Variants in KDM4C observed in about 807,000 individuals in gnomAD.
KDM4C encodes lysine demethylase 4C.
A neutral mutation model predicts 129.3 loss-of-function variants in KDM4C; 81 were observed. That is an observed-to-expected ratio of 0.63 (90% CI 0.52 to 0.75). The LOEUF (loss-of-function observed/expected upper bound fraction) is 0.75, where lower values mean the gene tolerates loss of function less well. KDM4C is among the 30% of genes least tolerant of loss of function. The pLI is 0.00. For missense variants in KDM4C, 1,457 were observed against 1,304.0 expected, an observed-to-expected ratio of 1.12 and a Z score of -1.81; for synonymous variants, 573 against 456.1, an observed-to-expected ratio of 1.26 and a Z score of -3.26.
At chr9:6,936,058 T>G (rs755467795) in intron 8 of KDM4C, among the ~76,000 whole-genome samples, 3 of 152,226 alleles carry the variant, frequency 2.0e-5, no homozygotes, top group Non-Finnish European at 2.9e-5. Flanking sequence ...CAATTTTTTG[T>G]AACTTATTTG....
intron 8 of KDM4C, among the ~76,000 whole-genome samples, chr9:6,951,700 A>C (rs10975932): frequency 0.13 from 20,121 of 152,176 alleles, 3,255 homozygotes; most frequent in African/African-American, 0.39. Context: ...ACTTAACTGT[A>C]TTGAGAATTT....
chr9:6,892,178 T>C (rs1170406927), intron 7 of KDM4C, among the ~76,000 whole-genome samples: 2 of 152,188 alleles, frequency 1.3e-5, no homozygotes, highest in African/African-American at 4.8e-5. Context: ...TGAAAGAATT[T>C]AAAGATATAA....
At chr9:6,929,063 A>C (rs961783304) in intron 8 of KDM4C, among the ~76,000 whole-genome samples, 1 of 152,310 alleles carries the variant, frequency 6.6e-6, no homozygotes, top group East Asian at 1.9e-4. Context: ...TTATCCAAAC[A>C]CTACACTTCA....
chr9:6,886,283 A>G (rs929994008), intron 6 of KDM4C, among the ~76,000 whole-genome samples: 2 of 151,738 alleles, frequency 1.3e-5, no homozygotes, highest in African/African-American at 4.8e-5. Flanking sequence ...GTAAAGAATT[A>G]ACATTTCTCA....
intron 4 of KDM4C, among the ~76,000 whole-genome samples, chr9:6,822,234 G>A (rs1245911551): frequency 6.6e-6 from 1 of 152,148 alleles, no homozygotes; most frequent in African/African-American, 2.4e-5. Flanking sequence ...CCGTGGCAGA[G>A]GTGCTTTAGT....
At position 6,905,124 on chromosome 9, in the gene KDM4C, A is replaced by T. The variant is rs369391488; in HGVS notation, c.921+11892A>T. Among the ~76,000 whole-genome samples the T allele has an allele frequency of 3.2e-3, 495 of 152,358 alleles. 1 individual carries two copies. Among genetic ancestry groups the T allele is most frequent in the African/African-American group, 0.01 (434 of 41,578 alleles). ...TTAAAAGAGCAAACAGCCAAAGAGT[A>T]TATATCATCTATATTAAAAAATTAA... On this transcript the variant is annotated intron_variant, in intron 8 of 21. Transcript: ENST00000381309.
At chr9:6,898,352 C>G (rs1203994875) in intron 8 of KDM4C, among the ~76,000 whole-genome samples, 2 of 151,976 alleles carry the variant, frequency 1.3e-5, no homozygotes, top group Non-Finnish European at 2.9e-5. Flanking sequence ...CTCGTTTATA[C>G]CGTCTGAAGC....
At chr9:6,916,555 T>TGGCTGA (rs1301339679) in intron 8 of KDM4C, among the ~76,000 whole-genome samples, 4 of 152,186 alleles carry the variant, frequency 2.6e-5, no homozygotes, top group Non-Finnish European at 5.9e-5. Flanking sequence ...CCACTGTGCC[T>TGGCTGA]GGCTGATATT....
upstream of KDM4C, among the ~76,000 whole-genome samples, chr9:6,752,878 T>C (rs563703887): frequency 3.7e-4 from 56 of 152,230 alleles, no homozygotes; most frequent in Non-Finnish European, 7.1e-4. Flanking sequence ...TTTAAGTTCA[T>C]GCCTGAGGTG....
intron 5 of KDM4C, 92 bp downstream of exon 5, chr9:6,849,792 G>T: frequency 9.7e-7 from 1 of 1,032,748 alleles, no homozygotes; most frequent in Non-Finnish European, 1.4e-6. Context: ...TTGATTTGGT[G>T]GATTCAGATT....
At chr9:7,106,490 G>A (rs1404684841) in intron 18 of KDM4C, among the ~76,000 whole-genome samples, 6 of 152,106 alleles carry the variant, frequency 3.9e-5, no homozygotes, top group Non-Finnish European at 2.9e-5. Context: ...TATGATTTAG[G>A]TGAAATGAAG....
At chr9:7,037,632 A>T (rs1402341000) in intron 15 of KDM4C, among the ~76,000 whole-genome samples, 1 of 152,196 alleles carries the variant, frequency 6.6e-6, no homozygotes, top group East Asian at 1.9e-4. Flanking sequence ...GGATTTTGTC[A>T]GTGGTATTAG....
intron 8 of KDM4C, among the ~76,000 whole-genome samples, chr9:6,954,004 T>C (rs1483950679): frequency 6.6e-6 from 1 of 152,216 alleles, no homozygotes; most frequent in African/African-American, 2.4e-5. Flanking sequence ...GAAGTAGCTG[T>C]CGGGGGTCAG....
chr9:7,008,227 C>G (rs1046404004), intron 12 of KDM4C, among the ~76,000 whole-genome samples: 4 of 152,076 alleles, frequency 2.6e-5, no homozygotes, highest in Non-Finnish European at 5.9e-5. Flanking sequence ...GCAGTGAAAC[C>G]CAGCACCACA....
intron 21 of KDM4C, among the ~76,000 whole-genome samples, chr9:7,171,180 G>T (rs527892106): frequency 6.6e-6 from 1 of 152,188 alleles, no homozygotes; most frequent in South Asian, 2.1e-4. Flanking sequence ...AAGTGAAATC[G>T]TCAAGAGGAG....
At position 6,790,059 on chromosome 9, in the gene KDM4C, G is replaced by C. The variant is rs117731259; in HGVS notation, c.-17-2913G>C. On this transcript the variant is annotated intron_variant, in intron 1 of 21. Transcript: ENST00000381309. ...GAGGCCGAGGCGGGTGGGATCGCCT[G>C]AGGTCAGGAGTTTGAGATCAGCCTG... is the stretch of plus-strand genomic sequence containing the variant. Among the ~76,000 whole-genome samples the C allele has an allele frequency of 4.4e-3, 664 of 150,654 alleles. 6 individuals are homozygous for C. The highest frequency in any genetic ancestry group is 0.033 in the South Asian group (153 of 4,662).
intron 5 of KDM4C, among the ~76,000 whole-genome samples, chr9:6,873,018 C>T (rs1842995972): frequency 6.6e-6 from 1 of 152,144 alleles, no homozygotes; most frequent in Admixed American, 6.6e-5. Context: ...CCTCCGCCTC[C>T]TGGGTTCAAG....
intron 8 of KDM4C, among the ~76,000 whole-genome samples, chr9:6,976,418 C>A (rs555035787): frequency 2.0e-5 from 3 of 152,146 alleles, no homozygotes; most frequent in African/African-American, 7.2e-5. Flanking sequence ...AGAATGTCTT[C>A]CATTTGTCCA....
At chr9:6,949,408 G>A (rs1208954475) in intron 8 of KDM4C, among the ~76,000 whole-genome samples, 6 of 152,090 alleles carry the variant, frequency 3.9e-5, no homozygotes, top group Non-Finnish European at 8.8e-5. Flanking sequence ...GAGTGGCCAG[G>A]CAGAGACGTT....
Sources: gnomAD v4.1 joint callset for allele counts (sites outside exome capture counted in the v4.1 genomes callset) on GRCh38, gnomAD v4.1.1 for gene constraint, MANE v1.5 for transcripts, NCBI Gene and HGNC (gene_info 2026-07-23, HGNC 2026-07-21) for gene names.